EXTL3: variants seen among roughly 807,000 people sequenced by gnomAD.
EXTL3 encodes exostosin-like 3.
In EXTL3, 27 loss-of-function variants were observed where a neutral mutation model predicts 69.3. The ratio of observed to expected loss-of-function variants is 0.39; its 90% CI spans 0.29 to 0.54. The LOEUF is 0.54. Among genes scored for constraint, EXTL3 ranks in the 20% least tolerant of loss-of-function variants. The pLI is 0.69. For missense variants in EXTL3, 1,003 were observed against 1,231.8 expected (o/e 0.81, Z 2.78); for synonymous variants, 511 against 499.4 (o/e 1.02, Z -0.31).
chr8:28,619,296 A>C (rs866427532), upstream of EXTL3, among the ~76,000 whole-genome samples: 16 of 73,616 alleles, frequency 2.2e-4, no homozygotes, highest in East Asian at 4.7e-3. Context: ...AAAAAAAAAA[A>C]AAAAAAAAAA....
At position 28,716,898 on chromosome 8, in the gene EXTL3, G is replaced by A. The variant is rs139633425; in HGVS notation, c.839G>A (p.Arg280His). Residue 280 changes from arginine to histidine, a missense_variant, in exon 3 of 7, where the codon CGT (arginine) becomes CAT (histidine). This residue lies in a region of EXTL3 where 742 missense variants were observed against 815.4 expected (regional missense o/e 0.91). Transcript: ENST00000220562. The surrounding 1 kb of genome is among the most constrained non-coding windows in gnomAD (Gnocchi z 7.1). ...AACCATGTCATCATCAATCTGTCACGTAAGTCAGATACACAGAACCTTCTC... is the reference window on the plus strand; with the variant it reads ...AACCATGTCATCATCAATCTGTCACATAAGTCAGATACACAGAACCTTCTC... ...GHNHVIINLS[R>H]KSDTQNLLYN... The A allele has an allele frequency of 1.4e-5, 22 of 1,614,190 alleles. No homozygotes were observed. In the East Asian group the frequency reaches 2.5e-4, roughly 18 times the overall value.
chr8:28,750,504 C>T lies in EXTL3; in HGVS notation c.2551-153C>T, dbSNP rs1021091627. ...ATCTGGTAGGCAGGAGGCCTGGGGC[C>T]GGGCTCTGGTTCCTGCCATGCTCTG... On this transcript the variant is annotated intron_variant, in intron 6 of 6. Coordinates refer to ENST00000220562, the MANE Select transcript of EXTL3 (RefSeq NM_001440.4). The surrounding 1 kb of genome is among the most constrained non-coding windows in gnomAD (Gnocchi z 5.2). 2.6e-5 allele frequency among the ~76,000 whole-genome samples: 4 copies of T among 152,148 alleles called. No homozygotes were observed. The highest frequency in any genetic ancestry group is 2.1e-4 in the South Asian group (1 of 4,830).
chr8:28,644,661 C>T (rs1255578598), intron 1 of EXTL3, among the ~76,000 whole-genome samples: 1 of 152,098 alleles, frequency 6.6e-6, no homozygotes, highest in Non-Finnish European at 1.5e-5. Context: ...ATGGACAGAG[C>T]AAGACCCTGT....
chr8:28,720,102 G>C (rs1463305597), intron 3 of EXTL3, among the ~76,000 whole-genome samples: 2 of 152,022 alleles, frequency 1.3e-5, no homozygotes, highest in African/African-American at 2.4e-5. Flanking sequence ...TGTAAATATT[G>C]TGGTTGTGCT....
At chr8:28,646,849 G>A (rs1806838763) in intron 1 of EXTL3, among the ~76,000 whole-genome samples, 1 of 152,140 alleles carries the variant, frequency 6.6e-6, no homozygotes, top group Non-Finnish European at 1.5e-5. Context: ...GATACAAAAT[G>A]CATCATGCCT....
intron 4 of EXTL3, among the ~76,000 whole-genome samples, chr8:28,733,099 T>G (rs1345147088): frequency 6.6e-6 from 1 of 152,212 alleles, no homozygotes; most frequent in African/African-American, 2.4e-5. Flanking sequence ...TTGGCTATTA[T>G]GAATAATGCT....
intron 1 of EXTL3, among the ~76,000 whole-genome samples, chr8:28,634,785 G>T (rs1230343435): frequency 1.3e-5 from 2 of 151,992 alleles, no homozygotes. Context: ...TAGTAGAGAC[G>T]GGTTTTGCCA....
chr8:28,702,582 C>T lies in EXTL3; in HGVS notation c.-570+923C>T, dbSNP rs553945959. ...CCCCCGCCACCCGCACCACCCCACC[C>T]CCGCCCTTCCCCGCAACCTGGATTT... On this transcript the variant is annotated intron_variant, in intron 1 of 6. Coordinates refer to ENST00000220562, the MANE Select transcript of EXTL3 (RefSeq NM_001440.4). Among the ~76,000 whole-genome samples the T allele has an allele frequency of 3.3e-5, 5 of 149,680 alleles. No individual in the cohort carries two copies. The East Asian group carries it at 1.0e-3, about 30-fold the overall frequency.
intron 4 of EXTL3, among the ~76,000 whole-genome samples, chr8:28,735,967 G>A (rs1469973957): frequency 6.6e-6 from 1 of 152,176 alleles, no homozygotes; most frequent in African/African-American, 2.4e-5. Flanking sequence ...TAGAGACGGA[G>A]AGTAGAATAG....
At chr8:28,626,883 T>C (rs1806499540) in intron 1 of EXTL3, among the ~76,000 whole-genome samples, 1 of 152,204 alleles carries the variant, frequency 6.6e-6, no homozygotes, top group South Asian at 2.1e-4. Flanking sequence ...ATACTGTTTA[T>C]GCATTTAAAA....
rs745437232 is a variant in EXTL3, at chr8:28,623,491, T to A, written c.-53+681T>A. ...CGGAATGCTGAGTTTTGTTGGTGTT[T>A]GTCCTCAGCCTGTTTCTGGGTCACC... is the stretch of plus-strand genomic sequence containing the variant. On this transcript the variant is annotated intron_variant, in intron 1 of 6. Coordinates refer to the EXTL3 transcript ENST00000523149. This position sits in a 1 kb window ranked among gnomAD's most constrained non-coding sequence, Gnocchi z 4.2. Among the ~76,000 whole-genome samples the A allele has an allele frequency of 4.6e-5, 7 of 152,164 alleles. No individual in the cohort carries two copies. Among genetic ancestry groups the A allele is most frequent in the Non-Finnish European group, 1.0e-4 (7 of 68,020 alleles).
chr8:28,706,470 G>A lies in EXTL3; in HGVS notation c.-570+4811G>A, dbSNP rs76756069. On this transcript the variant is annotated intron_variant, in intron 1 of 6. Transcript: ENST00000220562. ...CATGATTCTTTAAGAATAATTTCTC[G>A]GATAGAATTACAGGGAAAGAGGATA... 7.8e-3 allele frequency among the ~76,000 whole-genome samples: 1,185 copies of A among 152,074 alleles called. 5 individuals are homozygous for A. The highest frequency in any genetic ancestry group is 0.02 in the Middle Eastern group (6 of 294).
At chr8:28,712,528 T>A (rs1242129416) in intron 1 of EXTL3, among the ~76,000 whole-genome samples, 2 of 152,234 alleles carry the variant, frequency 1.3e-5, no homozygotes, top group African/African-American at 4.8e-5. Flanking sequence ...AAAAAAAATC[T>A]GAAGGGCTCC....
intron 1 of EXTL3, among the ~76,000 whole-genome samples, chr8:28,674,970 T>G (rs962725385): frequency 3.3e-5 from 5 of 152,184 alleles, no homozygotes; most frequent in African/African-American, 1.2e-4. Context: ...CACTCCTCTT[T>G]GTTAGACTTC....
chr8:28,641,087 T>C (rs1318689111), intron 1 of EXTL3, among the ~76,000 whole-genome samples: 1 of 152,200 alleles, frequency 6.6e-6, no homozygotes, highest in Non-Finnish European at 1.5e-5. Flanking sequence ...CCTCTAAGGT[T>C]CTGTGCTCCA....
Position 28,659,618 on chromosome 8 carries a change from C to T in EXTL3, c.-53+36808C>T, listed in dbSNP as rs534452326. Among the ~76,000 whole-genome samples the T allele has an allele frequency of 3.3e-5, 5 of 152,262 alleles. No individual in the cohort carries two copies. In the East Asian group the frequency reaches 5.8e-4, roughly 18 times the overall value. Reference sequence around the variant, plus strand: ...CAGCTTCTATCCTGGATCCGGGTGTCGGTTTCCCAGATGCAACCCCAGGGT... The same window carrying T: ...CAGCTTCTATCCTGGATCCGGGTGTTGGTTTCCCAGATGCAACCCCAGGGT... On this transcript the variant is annotated intron_variant, in intron 1 of 6. Transcript: ENST00000523149.
intron 1 of EXTL3, among the ~76,000 whole-genome samples, chr8:28,692,953 C>T (rs972131846): frequency 2.0e-5 from 3 of 152,112 alleles, no homozygotes; most frequent in Admixed American, 6.6e-5. Context: ...TGACATGTTG[C>T]GTCTAACTGA....
chr8:28,710,096 A>ATTT (rs1419939208), intron 1 of EXTL3, among the ~76,000 whole-genome samples: 1 of 151,908 alleles, frequency 6.6e-6, no homozygotes, highest in African/African-American at 2.4e-5. Flanking sequence ...AAATCTCTGT[A>ATTT]TACAACTATT....
intron 1 of EXTL3, among the ~76,000 whole-genome samples, chr8:28,695,374 G>A (rs1038320020): frequency 3.3e-5 from 5 of 152,062 alleles, no homozygotes; most frequent in African/African-American, 7.2e-5. Context: ...TGATACACCC[G>A]CCTCGGCCTC....
Sources: gnomAD v4.1 joint callset for allele counts (sites outside exome capture counted in the v4.1 genomes callset) on GRCh38, gnomAD v4.1.1 for gene constraint, gnomAD v4.1.1 regional missense constraint, Gnocchi (gnomAD v3.1) non-coding constraint, MANE v1.5 for transcripts, NCBI Gene and HGNC (gene_info 2026-07-23, HGNC 2026-07-21) for gene names.